Variants in DNAH5 observed in about 807,000 individuals in gnomAD.
DNAH5 encodes dynein axonemal heavy chain 5.
In DNAH5, 372 loss-of-function variants were observed where a neutral mutation model predicts 518.2. The ratio of observed to expected loss-of-function variants is 0.72; its 90% confidence interval spans 0.66 to 0.78. The LOEUF is 0.78. DNAH5 is among the 30% of genes least tolerant of loss of function. The pLI is 0.00. For missense variants in DNAH5, 5,523 were observed against 5,687.0 expected, an observed-to-expected ratio of 0.97 and a Z score of 0.93; for synonymous variants, 2,039 against 2,025.9, an observed-to-expected ratio of 1.01 and a Z score of -0.17.
chr5:13,708,013 G>A, intron 76 of DNAH5, 110 bp downstream of exon 76: 1 of 1,326,094 alleles, frequency 7.5e-7, no homozygotes, highest in Non-Finnish European at 1.1e-6. Context: ...CTTCGTCCCT[G>A]TGCAAAAGAA....
At position 13,931,240 on chromosome 5, in the gene DNAH5, C is replaced by T; in HGVS notation, c.62G>A (p.Arg21Lys). Residue 21 changes from arginine to lysine, a missense_variant, in exon 2 of 79, where the codon AGA (arginine) becomes AAA (lysine). Arg to Lys is a conservative substitution (Grantham distance 26). Transcript: ENST00000265104. ...KHSVTRVLTQRLKGEKEAKRA... is the reference protein window; with the variant it reads ...KHSVTRVLTQKLKGEKEAKRA... ...CTTGGCTTCCTTCTCTCCCTTCAGT[C>T]TTTGCTAAAAGAAAAGAATAAAAAT... 6 of 1,614,042 alleles carry T rather than the reference C, an allele frequency of 3.7e-6. No individual in the cohort carries two copies. Among genetic ancestry groups the T allele is most frequent in the Non-Finnish European group, 5.1e-6 (6 of 1,179,928 alleles).
intron 65 of DNAH5, among the ~76,000 whole-genome samples, chr5:13,750,320 C>T (rs984498669): frequency 7.9e-5 from 12 of 152,162 alleles, no homozygotes; most frequent in African/African-American, 2.7e-4. Flanking sequence ...GCAGTTTCAC[C>T]ATAACATTCC....
intron 16 of DNAH5, among the ~76,000 whole-genome samples, chr5:13,894,071 A>ATG (rs1561522651): frequency 1.3e-4 from 19 of 151,690 alleles, no homozygotes; most frequent in Admixed American, 1.0e-3. Context: ...CTACTGGGAC[A>ATG]CTGGCATGTT....
intron 1 of DNAH5, among the ~76,000 whole-genome samples, chr5:13,954,383 T>C (rs1780625930): frequency 6.6e-6 from 1 of 152,188 alleles, no homozygotes; most frequent in South Asian, 2.1e-4. Flanking sequence ...AGTCGACACG[T>C]GGAAAATATA....
chr5:13,927,638 T>C (rs1280046347), intron 3 of DNAH5, among the ~76,000 whole-genome samples: 4 of 152,202 alleles, frequency 2.6e-5, no homozygotes, highest in South Asian at 4.1e-4. Context: ...CACAATGTGA[T>C]AGCTAACTAA....
intron 12 of DNAH5, 96 bp from the exon 13 acceptor site, chr5:13,902,234 T>C (rs1003015212): frequency 2.8e-5 from 24 of 869,910 alleles, no homozygotes; most frequent in Non-Finnish European, 4.0e-5. Flanking sequence ...CAAACACATA[T>C]AACATGGAAC....
At chr5:13,959,452 G>C (rs1781001556) in intron 1 of DNAH5, among the ~76,000 whole-genome samples, 1 of 152,202 alleles carries the variant, frequency 6.6e-6, no homozygotes, top group Non-Finnish European at 1.5e-5. Context: ...GGCCAACTTG[G>C]CCAAACCAGC....
In DNAH5 at chr5:13,736,264, G is replaced by A. The variant is rs572165712; in HGVS notation, c.11456-332C>T. 2.3e-4 allele frequency among the ~76,000 whole-genome samples: 35 copies of A among 152,266 alleles called. No homozygotes were observed. In the South Asian group the frequency reaches 5.2e-3, roughly 23 times the overall value. Reference sequence around the variant, plus strand: ...TGTGTTAGTTTAACACCCAGCAAGCGAGGTAGCCATTAGGGACCTCATCCT... The same window carrying A: ...TGTGTTAGTTTAACACCCAGCAAGCAAGGTAGCCATTAGGGACCTCATCCT... On this transcript the variant is annotated intron_variant, in intron 66 of 78. Coordinates refer to ENST00000265104, the MANE Select transcript of DNAH5 (RefSeq NM_001369.3).
chr5:13,768,162 C>T (rs1752762905), intron 58 of DNAH5, among the ~76,000 whole-genome samples: 1 of 152,168 alleles, frequency 6.6e-6, no homozygotes, highest in South Asian at 2.1e-4. Flanking sequence ...AATCTCATCG[C>T]AAACTGTAAT....
upstream of DNAH5, among the ~76,000 whole-genome samples, chr5:13,947,031 T>C (rs1779982449): frequency 6.6e-6 from 1 of 152,210 alleles, no homozygotes; most frequent in Admixed American, 6.5e-5. Context: ...GCATTCTGAT[T>C]TCACAGATGT....
chr5:13,760,363 T>A (rs1162106592), intron 60 of DNAH5, among the ~76,000 whole-genome samples: 1 of 152,198 alleles, frequency 6.6e-6, no homozygotes, highest in East Asian at 1.9e-4. Flanking sequence ...TTCATTAAAA[T>A]ATTGAAAAAC....
At chr5:13,846,471 C>A (rs189976605) in intron 31 of DNAH5, among the ~76,000 whole-genome samples, 1 of 152,244 alleles carries the variant, frequency 6.6e-6, no homozygotes, top group East Asian at 1.9e-4. Context: ...GGCAACCTCC[C>A]AGGGCATGCG....
In DNAH5 at chr5:13,862,114, C is replaced by T. The variant is rs1180044562; in HGVS notation, c.4796+434G>A. ...TTATTCTGAAATTCAAAATAATGTTCCTCCTGGATTCTACAGCCTGTAGAG... is the reference window on the plus strand; with the variant it reads ...TTATTCTGAAATTCAAAATAATGTTTCTCCTGGATTCTACAGCCTGTAGAG... On this transcript the variant is annotated intron_variant, in intron 29 of 78. Transcript: ENST00000265104. 2.6e-5 allele frequency among the ~76,000 whole-genome samples: 4 copies of T among 152,060 alleles called. No homozygotes were observed. In the East Asian group the frequency reaches 7.7e-4, roughly 29 times the overall value.
upstream of DNAH5, among the ~76,000 whole-genome samples, chr5:13,946,375 C>G (rs1360206273): frequency 6.6e-6 from 1 of 152,282 alleles, no homozygotes; most frequent in Admixed American, 6.5e-5. Context: ...TGAATTTCAA[C>G]CCCTCGGGCA....
At chr5:13,999,461 T>C (rs1393406781) in intron 1 of DNAH5, among the ~76,000 whole-genome samples, 3 of 152,258 alleles carry the variant, frequency 2.0e-5, no homozygotes, top group Non-Finnish European at 4.4e-5. Flanking sequence ...GCGTTAGTTG[T>C]CTGTGACTGG....
chr5:13,720,434 G>C (rs1647434738), intron 71 of DNAH5, among the ~76,000 whole-genome samples: 1 of 152,172 alleles, frequency 6.6e-6, no homozygotes, highest in Non-Finnish European at 1.5e-5. Context: ...GTCTTGTTCT[G>C]TCACCCAGGC....
intron 1 of DNAH5, among the ~76,000 whole-genome samples, chr5:13,935,546 T>C (rs1778845977): frequency 6.6e-6 from 1 of 152,216 alleles, no homozygotes; most frequent in African/African-American, 2.4e-5. Flanking sequence ...AGACAAGTAA[T>C]ATGAAGTCAA....
rs568795290 is a variant in DNAH5 at position 13,723,363 on chromosome 5, G to A, written c.12034-2118C>T. Among the ~76,000 whole-genome samples, 9 of 152,334 alleles carry A rather than the reference G, an allele frequency of 5.9e-5. No homozygotes were observed. The East Asian group carries it at 1.7e-3, about 29-fold the overall frequency. ...GACACTGAGGCATTCCACAGTTGCA[G>A]CTGTTTCTCAGCCACATGTTCCGCC... On this transcript the variant is annotated intron_variant, in intron 70 of 78. Coordinates refer to ENST00000265104, the MANE Select transcript of DNAH5 (RefSeq NM_001369.3).
chr5:13,963,489 G>C (rs1333547231), intron 1 of DNAH5, among the ~76,000 whole-genome samples: 3 of 152,030 alleles, frequency 2.0e-5, no homozygotes, highest in Non-Finnish European at 4.4e-5. Context: ...GAGGCAGGAA[G>C]AATCGCTTGA....
Sources: gnomAD v4.1 joint callset for allele counts (sites outside exome capture counted in the v4.1 genomes callset) on GRCh38, gnomAD v4.1.1 for gene constraint, MANE v1.5 for transcripts, NCBI Gene and HGNC (gene_info 2026-07-23, HGNC 2026-07-21) for gene names.